GRIN2B: variants seen among roughly 807,000 people sequenced by gnomAD.
GRIN2B encodes the protein glutamate ionotropic receptor NMDA type subunit 2B, also known as glutamate receptor ionotropic, NMDA 2B.
GRIN2B carries 5 observed loss-of-function variants against 114.5 expected under a neutral mutation model. The observed-to-expected ratio is 0.04, with a 90% CI of 0.02 to 0.09. The LOEUF is 0.09. Ranked by LOEUF, GRIN2B falls within the 10% of genes least tolerant of loss-of-function variation. The pLI is 1.00. For synonymous variants in GRIN2B, 787 were observed against 745.1 expected, an observed-to-expected ratio of 1.06 and a Z score of -0.92; for missense variants, 1,108 against 1,943.5, an observed-to-expected ratio of 0.57 and a Z score of 8.08.
intron 2 of GRIN2B, among the ~76,000 whole-genome samples, chr12:13,890,527 G>A (rs1436844639): frequency 2.0e-5 from 3 of 152,182 alleles, no homozygotes; most frequent in Admixed American, 2.0e-4. Context: ...GAGAGGTTCA[G>A]TGGCAGCAAT....
chr12:13,604,126 A>C (rs2136460041), intron 10 of GRIN2B, among the ~76,000 whole-genome samples: 1 of 152,216 alleles, frequency 6.6e-6, no homozygotes, highest in East Asian at 1.9e-4. Context: ...GCTCTTTGTT[A>C]AGAGAAGAAA....
chr12:13,931,810 C>T (rs1427946058), intron 2 of GRIN2B, among the ~76,000 whole-genome samples: 1 of 152,156 alleles, frequency 6.6e-6, no homozygotes, highest in Non-Finnish European at 1.5e-5. Context: ...CCATATGCAA[C>T]CTCCGCAAGT....
At chr12:13,778,003 G>A (rs1312959817) in intron 3 of GRIN2B, among the ~76,000 whole-genome samples, 3 of 152,064 alleles carry the variant, frequency 2.0e-5, no homozygotes, top group African/African-American at 7.2e-5. Flanking sequence ...TCTACACAAA[G>A]GAGAAAAAAA....
At chr12:13,611,202 C>T (rs1312226918) in intron 9 of GRIN2B, among the ~76,000 whole-genome samples, 4 of 152,152 alleles carry the variant, frequency 2.6e-5, no homozygotes, top group African/African-American at 9.7e-5. Flanking sequence ...ATTTCCAACA[C>T]CCAACTTTTA....
At chr12:13,641,909 C>T (rs1949720309) in intron 5 of GRIN2B, among the ~76,000 whole-genome samples, 1 of 151,986 alleles carries the variant, frequency 6.6e-6, no homozygotes, top group Non-Finnish European at 1.5e-5. Context: ...ACCTTAAGGT[C>T]AGGCGTGATG....
At chr12:13,980,945 C>G (rs1863123780) in intron 1 of GRIN2B, among the ~76,000 whole-genome samples, 1 of 149,346 alleles carries the variant, frequency 6.7e-6, no homozygotes, top group Non-Finnish European at 1.5e-5. Context: ...CACTCACACT[C>G]ACCCCCGCGC....
At chr12:13,566,149 A>G (rs1948636500) in intron 13 of GRIN2B, among the ~76,000 whole-genome samples, 1 of 152,232 alleles carries the variant, frequency 6.6e-6, no homozygotes, top group South Asian at 2.1e-4. Flanking sequence ...ACACGGAGAA[A>G]TTGTTCTCTA....
At chr12:13,571,647 C>A (rs762666219) in intron 11 of GRIN2B, among the ~76,000 whole-genome samples, 157 bp downstream of exon 11, 1 of 152,132 alleles carries the variant, frequency 6.6e-6, no homozygotes, top group East Asian at 1.9e-4. Context: ...CTAAATGATA[C>A]GATCAAATTT....
chr12:13,810,460 A>G (rs937153406), intron 3 of GRIN2B, among the ~76,000 whole-genome samples: 1 of 152,240 alleles, frequency 6.6e-6, no homozygotes. Flanking sequence ...TTCGAGGTCT[A>G]TCCTATAATG....
chr12:13,699,208 C>T (rs139383763), intron 4 of GRIN2B, among the ~76,000 whole-genome samples: 414 of 152,158 alleles, frequency 2.7e-3, no homozygotes, highest in Non-Finnish European at 5.1e-3. Context: ...CTGCTGTGTA[C>T]GTATTATATG....
At chr12:13,962,655 C>T (rs1351136040) in intron 2 of GRIN2B, among the ~76,000 whole-genome samples, 1 of 152,170 alleles carries the variant, frequency 6.6e-6, no homozygotes, top group Non-Finnish European at 1.5e-5. Context: ...CAAATATCTG[C>T]CCGGCAGAGG....
Position 13,564,979 on chromosome 12 carries a change from C to T in GRIN2B, c.2599-340G>A, listed in dbSNP as rs1948619198. Among the ~76,000 whole-genome samples the T allele has an allele frequency of 6.6e-6, 1 of 152,138 alleles. No individual in the cohort carries two copies. Among genetic ancestry groups the T allele is most frequent in the Non-Finnish European group, 1.5e-5 (1 of 68,024 alleles). ...GTGGTTTTCTATGCCTAGATTTTCACATCTTAAAAATGAGGCCATGATATC... is the reference window on the plus strand; with the variant it reads ...GTGGTTTTCTATGCCTAGATTTTCATATCTTAAAAATGAGGCCATGATATC... On this transcript the variant is annotated intron_variant, in intron 13 of 13. Transcript: ENST00000609686. This position sits in a 1 kb window ranked among gnomAD's most constrained non-coding sequence, Gnocchi z 4.8.
At chr12:13,836,437 G>A (rs1055573204) in intron 3 of GRIN2B, among the ~76,000 whole-genome samples, 1 of 152,190 alleles carries the variant, frequency 6.6e-6, no homozygotes, top group African/African-American at 2.4e-5. Flanking sequence ...ATGAAGTTAT[G>A]CCATGTGTGG....
intron 2 of GRIN2B, among the ~76,000 whole-genome samples, chr12:13,940,281 T>G (rs898687249): frequency 6.6e-6 from 1 of 152,194 alleles, no homozygotes; most frequent in Non-Finnish European, 1.5e-5. Context: ...TCCATTTTGA[T>G]GGGCTTTACC....
At chr12:13,867,497 C>G (rs1017436979) in intron 2 of GRIN2B, among the ~76,000 whole-genome samples, 2 of 152,100 alleles carry the variant, frequency 1.3e-5, no homozygotes, top group African/African-American at 4.8e-5. Context: ...CAGATTTCAC[C>G]ACTATACAAT....
At chr12:13,856,760 T>G (rs59457485) in intron 3 of GRIN2B, among the ~76,000 whole-genome samples, 1 of 151,974 alleles carries the variant, frequency 6.6e-6, no homozygotes, top group Admixed American at 6.6e-5. Flanking sequence ...GACCCACTTC[T>G]CTCCCCTTTC....
chr12:13,939,798 T>G (rs530482666), intron 2 of GRIN2B, among the ~76,000 whole-genome samples: 5 of 152,092 alleles, frequency 3.3e-5, no homozygotes, highest in African/African-American at 1.2e-4. Context: ...TGCAGAACCA[T>G]GAGCCAAATT....
At chr12:13,729,734 G>T (rs1863050681) in intron 4 of GRIN2B, among the ~76,000 whole-genome samples, 1 of 150,446 alleles carries the variant, frequency 6.6e-6, no homozygotes, top group Admixed American at 6.7e-5. Flanking sequence ...GATTCATTTT[G>T]CTGCCGAAAG....
rs865958365 is a variant in GRIN2B at position 13,753,754 on chromosome 12, C to T, written c.573G>A (p.Glu191=). Residue 191 remains glutamate, a synonymous_variant, in exon 4 of 14, where the codon GAG becomes GAA. Coordinates refer to ENST00000609686, the MANE Select transcript of GRIN2B (RefSeq NM_000834.5). This position sits in a 1 kb window ranked among gnomAD's most constrained non-coding sequence, Gnocchi z 6.2. ...DFVNKIRSTI[E]NSFVGWELEE... The stretch of plus-strand genomic sequence containing the variant: ...CTAGCTCCCAGCCCACAAAGCTATT[C>T]TCAATGGTGCTGCGGATCTTGTTTA... 1 of 1,614,184 alleles carries T rather than the reference C, an allele frequency of 6.2e-7. No homozygotes were observed. Among genetic ancestry groups the T allele is most frequent in the African/African-American group, 1.3e-5 (1 of 75,064 alleles).
Sources: allele counts gnomAD v4.1 joint callset (sites outside exome capture counted in the v4.1 genomes callset), GRCh38; gene constraint gnomAD v4.1.1; non-coding constraint Gnocchi (gnomAD v3.1); transcripts MANE v1.5; gene names NCBI Gene and HGNC (gene_info 2026-07-23, HGNC 2026-07-21).